XIRP2: variants seen among roughly 807,000 people sequenced by gnomAD.
The protein encoded by XIRP2 is xin actin binding repeat containing 2, also known as xin actin-binding repeat-containing protein 2.
Under a neutral mutation model 277.0 loss-of-function variants are expected in XIRP2, and 236 were observed. That is an observed-to-expected ratio of 0.85 (90% CI 0.77 to 0.95). The LOEUF is 0.95. XIRP2 is among the 40% of genes least tolerant of loss of function. The pLI is 0.00. For synonymous variants in XIRP2, 1,490 were observed against 1,416.5 expected, an observed-to-expected ratio of 1.05 and a Z score of -1.17; for missense variants, 4,640 against 4,157.5, an observed-to-expected ratio of 1.12 and a Z score of -3.19.
chr2:167,175,185 A>T (rs1005051467), intron 3 of XIRP2, among the ~76,000 whole-genome samples: 3 of 152,110 alleles, frequency 2.0e-5, no homozygotes, highest in African/African-American at 7.2e-5. Context: ...GTGGGGTGCT[A>T]AATTCTCCCA....
chr2:167,150,223 C>G (rs957549512), intron 3 of XIRP2, among the ~76,000 whole-genome samples: 1 of 151,772 alleles, frequency 6.6e-6, no homozygotes. Flanking sequence ...TAACTTTTCC[C>G]ATCAGAATGG....
At chr2:167,154,782 C>A (rs1692132373) in intron 3 of XIRP2, among the ~76,000 whole-genome samples, 1 of 151,870 alleles carries the variant, frequency 6.6e-6, no homozygotes, top group Non-Finnish European at 1.5e-5. Context: ...ACAAAAAACC[C>A]TTCAAAAAAT....
Position 166,903,715 on chromosome 2 carries a change from A to G in XIRP2, c.233A>G (p.Lys78Arg). The G allele has an allele frequency of 6.2e-7, 1 of 1,613,686 alleles. No individual in the cohort carries two copies. Among genetic ancestry groups the G allele is most frequent in the Non-Finnish European group, 8.5e-7 (1 of 1,179,812 alleles). ...ATGTGGAGTTCGAAGCCGGAAGAGA[A>G]GGATTCTGTGGACAAGAGTAACAAC... Reference protein sequence around the residue: ...EEMWSSKPEEKDSVDKSNNTR... With the variant: ...EEMWSSKPEERDSVDKSNNTR... The change falls in exon 2 of 11, where the codon AAG becomes AGG. Residue 78 changes from lysine (K) to arginine (R), a missense_variant. Lys to Arg is a conservative substitution (Grantham distance 26). Coordinates refer to ENST00000409195, the MANE Select transcript of XIRP2 (RefSeq NM_152381.6).
chr2:166,974,523 T>C (rs1365452260), intron 2 of XIRP2, among the ~76,000 whole-genome samples: 2 of 151,976 alleles, frequency 1.3e-5, no homozygotes, highest in African/African-American at 2.4e-5. Flanking sequence ...ATATATCTGA[T>C]ATATGGAATT....
chr2:166,979,415 A>G (rs1277244676), intron 2 of XIRP2, among the ~76,000 whole-genome samples: 1 of 138,366 alleles, frequency 7.2e-6, no homozygotes, highest in Non-Finnish European at 1.5e-5. Context: ...CTCAAGTATA[A>G]TTGTTACTGG....
At chr2:167,096,354 C>T (rs1690317437) in intron 2 of XIRP2, among the ~76,000 whole-genome samples, 1 of 152,064 alleles carries the variant, frequency 6.6e-6, no homozygotes, top group African/African-American at 2.4e-5. Flanking sequence ...TTCTAGTATT[C>T]TCTGATGGTA....
intron 2 of XIRP2, among the ~76,000 whole-genome samples, chr2:167,101,487 C>A (rs1690484947): frequency 6.6e-6 from 1 of 152,158 alleles, no homozygotes; most frequent in South Asian, 2.1e-4. Context: ...CCATTTCTCC[C>A]AAGTCTCCGA....
rs575938354 is a variant in XIRP2 at position 167,200,003 on chromosome 2, A to C, written c.563-10732A>C. Among the ~76,000 whole-genome samples, 22 of 152,348 alleles carry C rather than the reference A, an allele frequency of 1.4e-4. No individual in the cohort carries two copies. In the South Asian group the frequency reaches 4.3e-3, roughly 30 times the overall value. Reference sequence around the variant, plus strand: ...AACAGAATTATGTAGAATGATATGAAATTTTTGGATTTTCTAAAACAGAGA... The same window carrying C: ...AACAGAATTATGTAGAATGATATGACATTTTTGGATTTTCTAAAACAGAGA... On this transcript the variant is annotated intron_variant, in intron 3 of 10. Coordinates refer to ENST00000409195, the MANE Select transcript of XIRP2 (RefSeq NM_152381.6).
chr2:167,132,513 C>T (rs1243841863), intron 2 of XIRP2, among the ~76,000 whole-genome samples: 1 of 104,662 alleles, frequency 9.6e-6, no homozygotes, highest in Non-Finnish European at 2.0e-5. Context: ...CATGTGTATA[C>T]ACACACACAC....
intron 2 of XIRP2, among the ~76,000 whole-genome samples, chr2:167,099,288 T>C (rs922194464): frequency 2.6e-5 from 4 of 152,160 alleles, no homozygotes; most frequent in African/African-American, 9.6e-5. Flanking sequence ...AACTTCCCAG[T>C]GGCTTTGTTT....
chr2:167,124,746 C>A (rs1691151639), intron 2 of XIRP2, among the ~76,000 whole-genome samples: 1 of 152,138 alleles, frequency 6.6e-6, no homozygotes, highest in Admixed American at 6.6e-5. Flanking sequence ...AACCAGGTGT[C>A]ACTTCGACCC....
intron 2 of XIRP2, among the ~76,000 whole-genome samples, chr2:166,907,288 T>C (rs1370673662): frequency 6.6e-6 from 1 of 152,186 alleles, no homozygotes; most frequent in Non-Finnish European, 1.5e-5. Context: ...TGTTGCAAAA[T>C]TACAGGTCTT....
chr2:167,166,531 T>C (rs1692524929), intron 3 of XIRP2, among the ~76,000 whole-genome samples: 1 of 152,140 alleles, frequency 6.6e-6, no homozygotes, highest in Admixed American at 6.5e-5. Context: ...TTCCTGACCC[T>C]GGATAATTTA....
chr2:167,229,733 T>C (rs1484816186), intron 5 of XIRP2, among the ~76,000 whole-genome samples: 1 of 152,082 alleles, frequency 6.6e-6, no homozygotes, highest in Non-Finnish European at 1.5e-5. Flanking sequence ...ATTATCATGC[T>C]AAAAAAACTG....
chr2:167,238,141 C>T (rs1410098406), intron 5 of XIRP2, among the ~76,000 whole-genome samples: 1 of 152,168 alleles, frequency 6.6e-6, no homozygotes, highest in African/African-American at 2.4e-5. Context: ...ATTAATGTAT[C>T]AGTGAAAGTT....
intron 5 of XIRP2, among the ~76,000 whole-genome samples, chr2:167,221,453 T>C (rs1449774544): frequency 1.2e-5 from 1 of 86,430 alleles, no homozygotes; most frequent in African/African-American, 4.7e-5. Context: ...AGAGCGAAAC[T>C]CCATCTCAAA....
rs1263162025 is a variant in XIRP2, at chr2:167,246,368, T to C, written c.4976T>C (p.Val1659Ala). ...AEKEEIVKGD[V>A]QQAIKNLFSE... ...AAAGAAGAGATAGTGAAAGGTGATG[T>C]ACAACAAGCAATAAAAAACCTGTTC... The change falls in exon 9 of 11, where the codon GTA becomes GCA. Residue 1659 changes from valine (V) to alanine (A), a missense_variant. By Grantham distance (64) the Val-to-Ala change is moderately conservative (BLOSUM62 0). Coordinates refer to ENST00000409195, the MANE Select transcript of XIRP2 (RefSeq NM_152381.6). The C allele has an allele frequency of 2.5e-6, 4 of 1,613,282 alleles. No individual in the cohort carries two copies. In the South Asian group the frequency reaches 3.3e-5, roughly 13 times the overall value.
chr2:167,227,561 A>T, intron 5 of XIRP2, among the ~76,000 whole-genome samples: 1 of 151,998 alleles, frequency 6.6e-6, no homozygotes, highest in East Asian at 1.9e-4. Context: ...TTTTTTAATT[A>T]GCCAAGCATG....
intron 2 of XIRP2, among the ~76,000 whole-genome samples, chr2:167,105,431 CT>C (rs1182044187): frequency 6.6e-6 from 1 of 151,764 alleles, no homozygotes; most frequent in African/African-American, 2.4e-5. Context: ...TTAGAATTGG[CT>C]TTCTTCATTC....
Sources: gnomAD v4.1 joint callset for allele counts (sites outside exome capture counted in the v4.1 genomes callset) on GRCh38, gnomAD v4.1.1 for gene constraint, MANE v1.5 for transcripts, NCBI Gene and HGNC (gene_info 2026-07-23, HGNC 2026-07-21) for gene names.